FRMD4A: variants seen among roughly 807,000 people sequenced by gnomAD.
The protein encoded by FRMD4A is FERM domain-containing protein 4A.
A neutral mutation model predicts 129.1 loss-of-function variants in FRMD4A; 29 were observed. The observed-to-expected ratio is 0.22, with a 90% CI of 0.17 to 0.31. The LOEUF is 0.31. Among genes scored for constraint, FRMD4A ranks in the 10% least tolerant of loss-of-function variants. The pLI is 1.00. For synonymous variants in FRMD4A, 634 were observed against 571.6 expected, an observed-to-expected ratio of 1.11 and a Z score of -1.56; for missense variants, 1,272 against 1,375.8, an observed-to-expected ratio of 0.92 and a Z score of 1.19.
In FRMD4A at chr10:13,645,903, G is replaced by A. The variant is rs964061840; in HGVS notation, c.*1135C>T. The A allele has an allele frequency of 5.2e-5, 8 of 152,640 alleles. No homozygotes were observed. Among genetic ancestry groups the A allele is most frequent in the African/African-American group, 1.9e-4 (8 of 41,458 alleles). The allele number at this position is 152,640 out of a possible 1,614,324, so 9.5% of individuals were successfully genotyped here. A position where few individuals can be genotyped will look rare whatever the true frequency, so the allele number is the denominator to read the frequency against. ...ATGAAACACCTTGTGCAAAAAAATAGGATACGCTTTTACTGGTTGGTTTAA... is the reference window on the plus strand; with the variant it reads ...ATGAAACACCTTGTGCAAAAAAATAAGATACGCTTTTACTGGTTGGTTTAA... On this transcript the variant is annotated 3_prime_UTR_variant, in exon 25 of 25. Transcript: ENST00000357447.
intron 14 of FRMD4A, among the ~76,000 whole-genome samples, chr10:13,698,532 T>C (rs921053784): frequency 1.3e-5 from 2 of 152,222 alleles, no homozygotes; most frequent in African/African-American, 2.4e-5. Flanking sequence ...GGGTACGTCA[T>C]CATCTCTGAT....
At chr10:13,904,015 T>C (rs565682420) in intron 2 of FRMD4A, among the ~76,000 whole-genome samples, 3 of 152,318 alleles carry the variant, frequency 2.0e-5, no homozygotes, top group East Asian at 3.9e-4. Flanking sequence ...AAATGAAATA[T>C]AATCGTGTCG....
intron 8 of FRMD4A, among the ~76,000 whole-genome samples, chr10:13,750,406 G>A (rs1332778291): frequency 1.4e-5 from 2 of 146,586 alleles, no homozygotes; most frequent in African/African-American, 5.5e-5. Context: ...TTAACCAGAA[G>A]GTGCCCACGA....
chr10:14,024,177 G>A (rs1832886121), intron 2 of FRMD4A, among the ~76,000 whole-genome samples: 1 of 152,208 alleles, frequency 6.6e-6, no homozygotes, highest in Admixed American at 6.5e-5. Flanking sequence ...CTCAGGCACT[G>A]AGGAACTTTA....
chr10:14,030,257 A>G (rs921083115), intron 2 of FRMD4A, among the ~76,000 whole-genome samples: 2 of 152,262 alleles, frequency 1.3e-5, no homozygotes, highest in Non-Finnish European at 1.5e-5. Flanking sequence ...AAGTGTTCTC[A>G]TCATAAAATG....
chr10:14,009,747 C>T (rs915134498), intron 2 of FRMD4A, among the ~76,000 whole-genome samples: 6 of 152,172 alleles, frequency 3.9e-5, no homozygotes, highest in African/African-American at 1.4e-4. Context: ...AAATATACAA[C>T]AATTGGGCTT....
At chr10:13,967,771 C>A (rs1322269188) in intron 2 of FRMD4A, among the ~76,000 whole-genome samples, 4 of 152,162 alleles carry the variant, frequency 2.6e-5, no homozygotes, top group African/African-American at 9.7e-5. Flanking sequence ...GTAGGCTGAG[C>A]GCAGTGGTTC....
intron 2 of FRMD4A, among the ~76,000 whole-genome samples, chr10:14,057,622 A>T (rs1210467527): frequency 6.6e-6 from 1 of 151,988 alleles, no homozygotes; most frequent in Non-Finnish European, 1.5e-5. Flanking sequence ...CCAGGCTGGA[A>T]TGCAATGGCG....
chr10:13,703,595 G>T (rs1297466505), intron 13 of FRMD4A, among the ~76,000 whole-genome samples: 5 of 152,176 alleles, frequency 3.3e-5, no homozygotes, highest in Admixed American at 1.3e-4. Context: ...TGGGGGAGGG[G>T]CTGAGCCCGG....
intron 6 of FRMD4A, among the ~76,000 whole-genome samples, chr10:13,770,114 C>T (rs1342175166): frequency 1.3e-5 from 2 of 152,220 alleles, no homozygotes; most frequent in East Asian, 3.8e-4. Context: ...TTTAGCCCAA[C>T]TTGCTCTCTT....
chr10:13,796,608 A>C lies in FRMD4A; in HGVS notation c.207-20T>G. 2 of 1,321,004 alleles carry C rather than the reference A, an allele frequency of 1.5e-6. No homozygotes were observed. The highest frequency in any genetic ancestry group is 2.2e-6 in the Non-Finnish European group (2 of 911,442). 81.8% of individuals were successfully genotyped at this position (1,321,004 alleles called of 1,614,324 possible). On this transcript the variant is annotated intron_variant, in intron 4 of 24. Transcript: ENST00000357447. ...TGTCCCCTGAAGAAAATAGAGACAAATTGGTTAGGGGTTTGCATTTTGCAG... is the reference window on the plus strand; with the variant it reads ...TGTCCCCTGAAGAAAATAGAGACAACTTGGTTAGGGGTTTGCATTTTGCAG...
intron 2 of FRMD4A, among the ~76,000 whole-genome samples, chr10:13,968,122 G>A (rs2447014): frequency 0.69 from 104,419 of 152,018 alleles, 37,065 homozygotes; most frequent in African/African-American, 0.87. Context: ...CAGTGGCTCC[G>A]GGTGGACTGC....
In FRMD4A at chr10:13,686,978, C is replaced by G. The variant is rs886981716; in HGVS notation, c.1117+6920G>C. 3.9e-5 allele frequency among the ~76,000 whole-genome samples: 6 copies of G among 152,298 alleles called. No homozygotes were observed. In the East Asian group the frequency reaches 1.2e-3, roughly 29 times the overall value. On this transcript the variant is annotated intron_variant, in intron 15 of 24. Transcript: ENST00000357447. ...AACAAAAACTAACTCTCCTAACTCC[C>G]ATTGAAATCAGAACTGTTCTCTGAT... is the stretch of plus-strand genomic sequence containing the variant.
chr10:13,825,537 T>G (rs895413966), intron 3 of FRMD4A, among the ~76,000 whole-genome samples: 1 of 152,210 alleles, frequency 6.6e-6, no homozygotes, highest in Non-Finnish European at 1.5e-5. Flanking sequence ...TGATGTGAGG[T>G]GGAACAGTTT....
intron 2 of FRMD4A, among the ~76,000 whole-genome samples, chr10:14,171,632 A>T (rs1246559704): frequency 6.6e-6 from 1 of 152,220 alleles, no homozygotes; most frequent in African/African-American, 2.4e-5. Context: ...TTTATGTGCC[A>T]ATTATGCAAA....
rs751440200 is a variant in FRMD4A at position 13,760,143 on chromosome 10, T to TTTACTTATCCTATGGGGCTGCTTTTGCAC, written c.464+1475_464+1503dup. Among the ~76,000 whole-genome samples the TTTACTTATCCTATGGGGCTGCTTTTGCAC allele has an allele frequency of 2.5e-3, 376 of 152,274 alleles. 1 individual carries two copies. Among genetic ancestry groups the TTTACTTATCCTATGGGGCTGCTTTTGCAC allele is most frequent in the Middle Eastern group, 6.8e-3 (2 of 294 alleles). ...ATTGGAACACAATCAGGCTCATCCA[T>TTTACTTATCCTATGGGGCTGCTTTTGCAC]TTACTTATCCTATGGGGCTGCTTTT... is the stretch of plus-strand genomic sequence containing the variant. On this transcript the variant is annotated intron_variant, in intron 8 of 24. Transcript: ENST00000357447.
intron 2 of FRMD4A, among the ~76,000 whole-genome samples, chr10:13,951,890 A>ACATAATAAT (rs2095372984): frequency 1.6e-5 from 2 of 127,654 alleles, no homozygotes; most frequent in African/African-American, 2.7e-5. Flanking sequence ...ACTCTGTCTC[A>ACATAATAAT]AATAATAATA....
At chr10:13,884,214 A>ACTCACACACACACACACACACACT (rs2094590383) in intron 2 of FRMD4A, among the ~76,000 whole-genome samples, 1 of 115,272 alleles carries the variant, frequency 8.7e-6, no homozygotes, top group African/African-American at 3.3e-5. Flanking sequence ...ACACTCACAC[A>ACTCACACACACACACACACACACT]CACACACACA....
chr10:13,790,251 G>A (rs1009913254), intron 5 of FRMD4A, among the ~76,000 whole-genome samples: 1 of 152,156 alleles, frequency 6.6e-6, no homozygotes, highest in African/African-American at 2.4e-5. Flanking sequence ...AGGTGACAAC[G>A]AAAGGGGAGC....
Sources: gnomAD v4.1 joint callset for allele counts (sites outside exome capture counted in the v4.1 genomes callset) on GRCh38, gnomAD v4.1.1 for gene constraint, MANE v1.5 for transcripts, NCBI Gene and HGNC (gene_info 2026-07-23, HGNC 2026-07-21) for gene names.